The following UTS2 variants were observed in gnomAD, a reference collection of about 807,000 sequenced individuals.
UTS2 encodes the protein urotensin-2.
Under a neutral mutation model 12.6 loss-of-function variants are expected in UTS2, and 10 were observed. The ratio of observed to expected loss-of-function variants is 0.80; its 90% CI spans 0.49 to 1.35. UTS2 has a LOEUF of 1.35. UTS2 is among the 40% of genes most tolerant of loss of function. UTS2 has a pLI of 0.00. For synonymous variants in UTS2, 52 were observed against 50.0 expected (o/e 1.04, Z -0.17); for missense variants, 142 against 143.2 (o/e 0.99, Z 0.04).
the UTS2 span, among the ~76,000 whole-genome samples, chr1:7,889,489 G>GAAAGTAGA: frequency 0.089 from 11,910 of 133,114 alleles, 741 homozygotes; most frequent in African/African-American, 0.17. Flanking sequence ...GAAAAGAAAA[G>GAAAGTAGA]AAAGTAGAAT....
At chr1:7,906,738 G>A in the UTS2 span, among the ~76,000 whole-genome samples, 28 of 152,118 alleles carry the variant, frequency 1.8e-4, no homozygotes, top group Admixed American at 7.9e-4. Flanking sequence ...TATGGATGCC[G>A]GTACCAACCC....
the UTS2 span, among the ~76,000 whole-genome samples, chr1:7,903,627 C>T: frequency 6.6e-6 from 1 of 151,926 alleles, no homozygotes; most frequent in Non-Finnish European, 1.5e-5. Context: ...TGGACTCAAG[C>T]GATCCTCCCA....
chr1:7,850,055 T>C (rs932944715), intron 2 of UTS2, among the ~76,000 whole-genome samples: 7 of 151,332 alleles, frequency 4.6e-5, no homozygotes, highest in Non-Finnish European at 4.4e-5. Context: ...CCACAACCTC[T>C]GCCTCCTGGG....
chr1:7,856,721 G>A (rs971366845), upstream of UTS2, among the ~76,000 whole-genome samples: 2 of 152,180 alleles, frequency 1.3e-5, no homozygotes, highest in Admixed American at 6.5e-5. Context: ...CAGCAGGGTC[G>A]GACAGAGGAC....
the UTS2 span, among the ~76,000 whole-genome samples, chr1:7,909,226 G>C: frequency 2.6e-5 from 4 of 152,152 alleles, no homozygotes; most frequent in Admixed American, 2.6e-4. Context: ...CAGCCAAAGC[G>C]TATCAGCGTA....
the UTS2 span, among the ~76,000 whole-genome samples, chr1:7,872,831 A>G: frequency 6.6e-6 from 1 of 152,068 alleles, no homozygotes; most frequent in Non-Finnish European, 1.5e-5. Flanking sequence ...CGTGTAGATA[A>G]ACCAGCCTTC....
At position 7,847,617 on chromosome 1, in the gene UTS2, A is replaced by G; in HGVS notation, c.*149T>C. 1 of 658,308 alleles carries G rather than the reference A, an allele frequency of 1.5e-6. No homozygotes were observed. The highest frequency in any genetic ancestry group is 2.7e-6 in the Non-Finnish European group (1 of 376,792). The allele number at this position is 658,308 out of a possible 1,614,324, so 40.8% of individuals were successfully genotyped here. On this transcript the variant is annotated 3_prime_UTR_variant, in exon 4 of 4. Coordinates refer to ENST00000361696, the MANE Select transcript of UTS2 (RefSeq NM_006786.4). ...GAAAATAACCACTCATGATATGTGC[A>G]AAACATAGAGGATTTATTTTCCAGG... is the stretch of plus-strand genomic sequence containing the variant.
At chr1:7,872,096 T>C in the UTS2 span, among the ~76,000 whole-genome samples, 29 of 151,702 alleles carry the variant, frequency 1.9e-4, no homozygotes, top group African/African-American at 6.0e-4. Context: ...GGTCAAGAGA[T>C]CGAGACCATC....
At chr1:7,910,733 T>C in the UTS2 span, among the ~76,000 whole-genome samples, 2 of 152,146 alleles carry the variant, frequency 1.3e-5, no homozygotes, top group Admixed American at 1.3e-4. Flanking sequence ...TGTTTGTTTT[T>C]GGGATTTTTT....
the UTS2 span, among the ~76,000 whole-genome samples, chr1:7,866,234 G>A: frequency 1.3e-5 from 2 of 152,210 alleles, no homozygotes; most frequent in Non-Finnish European, 2.9e-5. This position sits in a 1 kb window ranked among gnomAD's most constrained non-coding sequence, Gnocchi z 4.5. Context: ...TCGCCCATCT[G>A]GAGGCTGGGC....
the UTS2 span, among the ~76,000 whole-genome samples, chr1:7,862,237 T>C: frequency 6.6e-6 from 1 of 151,732 alleles, no homozygotes; most frequent in Non-Finnish European, 1.5e-5. Flanking sequence ...AAAGACCTCT[T>C]CCTTCTGAGA....
the UTS2 span, among the ~76,000 whole-genome samples, chr1:7,909,974 A>G: frequency 6.6e-6 from 1 of 152,204 alleles, no homozygotes; most frequent in African/African-American, 2.4e-5. Context: ...TCTGCAAAGC[A>G]TATGTATGTG....
chr1:7,854,511 C>CA (rs34363679), upstream of UTS2, among the ~76,000 whole-genome samples: 3,443 of 99,296 alleles, frequency 0.035, 77 homozygotes, highest in Admixed American at 0.048. Context: ...GACCATGTCT[C>CA]AAAAAAAAAA....
At chr1:7,881,436 G>A in the UTS2 span, among the ~76,000 whole-genome samples, 3 of 152,160 alleles carry the variant, frequency 2.0e-5, no homozygotes, top group Admixed American at 1.3e-4. Flanking sequence ...AGTGAATTAA[G>A]TTGCAGTATA....
At chr1:7,893,044 T>C in the UTS2 span, among the ~76,000 whole-genome samples, 1 of 152,228 alleles carries the variant, frequency 6.6e-6, no homozygotes, top group African/African-American at 2.4e-5. Flanking sequence ...TTTATCTTCA[T>C]GCTCCTAGCT....
At chr1:7,888,428 G>T in the UTS2 span, among the ~76,000 whole-genome samples, 1 of 151,888 alleles carries the variant, frequency 6.6e-6, no homozygotes, top group East Asian at 1.9e-4. Context: ...CCTCTGATGC[G>T]TCATCTGTGA....
At chr1:7,853,156 T>C, upstream of UTS2, 1 of 1,484,960 alleles carries the variant, frequency 6.7e-7, no homozygotes, top group South Asian at 1.4e-5. Context: ...TTATTGGCTA[T>C]GGAGGCTAAA....
At chr1:7,902,680 G>C in the UTS2 span, among the ~76,000 whole-genome samples, 1 of 152,068 alleles carries the variant, frequency 6.6e-6, no homozygotes, top group Non-Finnish European at 1.5e-5. Flanking sequence ...TCCCACCTCG[G>C]CCTCCCAAAG....
the UTS2 span, among the ~76,000 whole-genome samples, chr1:7,881,873 C>A: frequency 6.6e-6 from 1 of 152,082 alleles, no homozygotes; most frequent in Non-Finnish European, 1.5e-5. Context: ...TACCTGACTT[C>A]AAAACATCCT....
Sources: allele counts gnomAD v4.1 joint callset (sites outside exome capture counted in the v4.1 genomes callset), GRCh38; gene constraint gnomAD v4.1.1; non-coding constraint Gnocchi (gnomAD v3.1); transcripts MANE v1.5; gene names NCBI Gene and HGNC (gene_info 2026-07-23, HGNC 2026-07-21).